Variants in WDR26 observed in about 807,000 individuals in gnomAD.
WDR26 encodes WD repeat domain 26, also known as WD repeat-containing protein 26.
In WDR26, 5 loss-of-function variants were observed where a neutral mutation model predicts 84.1. That is an observed-to-expected ratio of 0.06 (90% confidence interval 0.03 to 0.13). The LOEUF (loss-of-function observed/expected upper bound fraction) is 0.13, where lower values mean the gene tolerates loss of function less well. WDR26 is among the 10% of genes least tolerant of loss of function. The pLI is 1.00. For synonymous variants in WDR26, 415 were observed against 389.6 expected (o/e 1.07, Z -0.77); for missense variants, 642 against 974.9 (o/e 0.66, Z 4.55).
chr1:224,422,645 C>T (rs1269579777), intron 4 of WDR26, among the ~76,000 whole-genome samples: 2 of 151,060 alleles, frequency 1.3e-5, no homozygotes, highest in African/African-American at 2.4e-5. Context: ...ACCCAGGAGG[C>T]GAAGGCTGCA....
At chr1:224,433,626 C>T (rs1222496797) in intron 1 of WDR26, 58 bp downstream of exon 1, 8 of 1,322,522 alleles carry the variant, frequency 6.0e-6, no homozygotes, top group Middle Eastern at 2.9e-4. Context: ...TCCCCTACCC[C>T]CCTGGAGCCT....
rs201591032 is a variant in WDR26, at chr1:224,427,694, T to G, written c.928-3040A>C. ...GGCCAAGCACAGCTAGAGATCTGTT[T>G]GAAAGAAAATGTTTATTCTCCAAAA... On this transcript the variant is annotated intron_variant, in intron 3 of 13. Coordinates refer to ENST00000414423, the MANE Select transcript of WDR26 (RefSeq NM_001379403.1). 2.0e-4 allele frequency among the ~76,000 whole-genome samples: 31 copies of G among 152,302 alleles called. No homozygotes were observed. In the East Asian group the frequency reaches 5.2e-3, roughly 26 times the overall value.
chr1:224,391,628 G>C (rs1572152747), intron 13 of WDR26, among the ~76,000 whole-genome samples: 1 of 152,164 alleles, frequency 6.6e-6, no homozygotes, highest in East Asian at 1.9e-4. Flanking sequence ...CTGGACTCAA[G>C]GGATCCTCCT....
chr1:224,404,676 G>T, intron 7 of WDR26, 106 bp from the exon 8 acceptor site: 1 of 1,391,106 alleles, frequency 7.2e-7, no homozygotes, highest in Non-Finnish European at 9.6e-7. Flanking sequence ...AATTTAATCT[G>T]AGGAAATTTT....
chr1:224,398,224 T>C lies in WDR26; in HGVS notation c.1947A>G (p.Gly649=). 6.2e-7 allele frequency: 1 copy of C among 1,611,858 alleles called. No homozygotes were observed. The highest frequency in any genetic ancestry group is 8.5e-7 in the Non-Finnish European group (1 of 1,179,520). ...TGTCTTGCAAGTCCCATAAATGAAC[T>C]CCCTGCAGGCAAAGGAGAATACAGA... is the stretch of plus-strand genomic sequence containing the variant. Residue 649 remains glycine (G), a splice_region_variant and synonymous_variant, in exon 12 of 14, where the codon GGA becomes GGG. Transcript: ENST00000414423.
chr1:224,434,204 CGGAGGAGGA>C lies in WDR26; in HGVS notation c.193_201del (p.Ser65_Ser67del), dbSNP rs144531645. 4.0e-5 allele frequency: 54 copies of C among 1,342,610 alleles called. No individual in the cohort carries two copies. The highest frequency in any genetic ancestry group is 2.8e-4 in the Middle Eastern group (1 of 3,546). 83.2% of individuals were successfully genotyped at this position (1,342,610 alleles called of 1,614,324 possible). The stretch of plus-strand genomic sequence containing the variant: ...GGGGGAAGTCCCACCACTACCACCA[CGGAGGAGGA>C]GGAGGAGGAGGAGGACGAGGACGAC... On this transcript the variant is annotated inframe_deletion, in exon 1 of 14. Transcript: ENST00000414423.
intron 7 of WDR26, among the ~76,000 whole-genome samples, chr1:224,405,921 A>G (rs1271568204): frequency 6.6e-6 from 1 of 152,240 alleles, no homozygotes; most frequent in Non-Finnish European, 1.5e-5. Flanking sequence ...TAGGATAACA[A>G]TGTGGAAGAT....
intron 6 of WDR26, 124 bp downstream of exon 6, chr1:224,418,136 C>T: frequency 2.7e-6 from 2 of 744,424 alleles, no homozygotes; most frequent in Non-Finnish European, 4.0e-6. Context: ...TCCAGCTTTA[C>T]TCGTGAACAA....
At chr1:224,404,679 G>T in intron 7 of WDR26, 109 bp from the exon 8 acceptor site, 1 of 1,323,284 alleles carries the variant, frequency 7.6e-7, no homozygotes, top group Non-Finnish European at 1.0e-6. Flanking sequence ...TTAATCTGAG[G>T]AAATTTTCAG....
rs141236076 is a variant in WDR26, at chr1:224,403,340, G to A, written c.1599+1090C>T. Among the ~76,000 whole-genome samples, 1,018 of 152,232 alleles carry A rather than the reference G, an allele frequency of 6.7e-3. 9 individuals are homozygous for A. The highest frequency in any genetic ancestry group is 0.023 in the African/African-American group (954 of 41,554). On this transcript the variant is annotated intron_variant, in intron 8 of 13. Transcript: ENST00000414423. ...GCTGGGATTATAGGCGTGAGCCACC[G>A]CGCCCGGCCACAAATGCATGTTTCT...
chr1:224,409,771 A>G (rs891169105), intron 7 of WDR26, among the ~76,000 whole-genome samples: 1 of 151,614 alleles, frequency 6.6e-6, no homozygotes, highest in Non-Finnish European at 1.5e-5. Context: ...GCTGAGGCAT[A>G]AGAATCTCTT....
At chr1:224,390,658 A>G (rs1236338018) in intron 13 of WDR26, among the ~76,000 whole-genome samples, 1 of 152,192 alleles carries the variant, frequency 6.6e-6, no homozygotes, top group Non-Finnish European at 1.5e-5. Context: ...TTCATATTCT[A>G]TACAAAGCAA....
At chr1:224,430,458 T>C (rs1335069256) in intron 3 of WDR26, 2 of 152,172 alleles carry the variant, frequency 1.3e-5, no homozygotes, top group Non-Finnish European at 2.9e-5. Context: ...TATATTATTG[T>C]GTAGAATTAT....
In WDR26 at chr1:224,399,040, T is replaced by G. The variant is rs776574287; in HGVS notation, c.1720-6A>C. ...AGGAGATTACCATCTAAGTCCTGAGTAAGAAAAAACTACTATTAACTTCAT... is the reference window on the plus strand; with the variant it reads ...AGGAGATTACCATCTAAGTCCTGAGGAAGAAAAAACTACTATTAACTTCAT... On this transcript the variant is annotated splice_polypyrimidine_tract_variant and splice_region_variant and intron_variant, in intron 9 of 13. Coordinates refer to ENST00000414423, the MANE Select transcript of WDR26 (RefSeq NM_001379403.1). The G allele has an allele frequency of 6.6e-7, 1 of 1,522,064 alleles. No individual in the cohort carries two copies. 94.3% of individuals were successfully genotyped at this position (1,522,064 alleles called of 1,614,324 possible). A position where few individuals can be genotyped will look rare whatever the true frequency, so the allele number is the denominator to read the frequency against.
chr1:224,412,782 GATTT>G (rs1036811125), intron 6 of WDR26: 3 of 152,178 alleles, frequency 2.0e-5, no homozygotes, highest in African/African-American at 4.8e-5. Flanking sequence ...GGAGGAACTT[GATTT>G]ATTTAATTTG....
chr1:224,392,992 C>T (rs1009656482), intron 13 of WDR26, among the ~76,000 whole-genome samples: 1 of 151,936 alleles, frequency 6.6e-6, no homozygotes, highest in South Asian at 2.1e-4. Context: ...AAACATTTTA[C>T]GTGCTCTATT....
At chr1:224,411,379 C>A in intron 7 of WDR26, 48 bp downstream of exon 7, 2 of 1,532,324 alleles carry the variant, frequency 1.3e-6, no homozygotes, top group Non-Finnish European at 8.8e-7. Flanking sequence ...GAATTAGATT[C>A]AAAATTATCC....
In WDR26 at chr1:224,389,872, C is replaced by T; in HGVS notation, c.2261-12G>A. ...GCTACTGCATTCCTCTGAATGAAGA[C>T]AAGATGAAATGTATGGGGGGCGGGC... On this transcript the variant is annotated splice_polypyrimidine_tract_variant and intron_variant, in intron 13 of 13. Coordinates refer to ENST00000414423, the MANE Select transcript of WDR26 (RefSeq NM_001379403.1). 1.8e-6 allele frequency: 1 copy of T among 563,606 alleles called. No individual in the cohort carries two copies. The highest frequency in any genetic ancestry group is 2.6e-6 in the Non-Finnish European group (1 of 385,794). 34.9% of individuals were successfully genotyped at this position (563,606 alleles called of 1,614,324 possible).
At chr1:224,391,701 T>C (rs1479256322) in intron 13 of WDR26, among the ~76,000 whole-genome samples, 1 of 152,040 alleles carries the variant, frequency 6.6e-6, no homozygotes, top group Non-Finnish European at 1.5e-5. Flanking sequence ...TGTATTTTGA[T>C]TTTTTTTAAT....
Sources: allele counts gnomAD v4.1 joint callset (sites outside exome capture counted in the v4.1 genomes callset), GRCh38; gene constraint gnomAD v4.1.1; transcripts MANE v1.5; gene names NCBI Gene and HGNC (gene_info 2026-07-23, HGNC 2026-07-21).